Variants in ZCCHC3 observed in about 807,000 individuals in gnomAD.
The protein encoded by ZCCHC3 is zinc finger CCHC domain-containing protein 3.
Under a neutral mutation model 18.4 loss-of-function variants are expected in ZCCHC3, and 20 were observed. That is an observed-to-expected ratio of 1.09 (90% confidence interval 0.76 to 1.58). ZCCHC3 has a LOEUF of 1.58. Ranked by LOEUF, ZCCHC3 falls within the 40% of genes most tolerant of loss-of-function variation. The pLI, the probability that ZCCHC3 is intolerant of heterozygous loss-of-function variation, is 0.00. For missense variants in ZCCHC3, 548 were observed against 511.2 expected, an observed-to-expected ratio of 1.07 and a Z score of -0.69; for synonymous variants, 310 against 232.7, an observed-to-expected ratio of 1.33 and a Z score of -3.02.
In ZCCHC3 at chr20:297,969, C is replaced by G; in HGVS notation, c.383C>G (p.Ala128Gly). The G allele has an allele frequency of 7.7e-7, 1 of 1,303,506 alleles. No homozygotes were observed. Among genetic ancestry groups the G allele is most frequent in the Non-Finnish European group, 9.7e-7 (1 of 1,031,302 alleles). 80.7% of individuals were successfully genotyped at this position (1,303,506 alleles called of 1,614,324 possible). The part of the protein sequence containing the change: ...AEAGRRKKAE[A>G]AAAAMATPAR... ...GCGGGCAGGAGGAAGAAGGCCGAGGCGGCGGCGGCCGCCATGGCGACCCCG... is the reference window on the plus strand; with the variant it reads ...GCGGGCAGGAGGAAGAAGGCCGAGGGGGCGGCGGCCGCCATGGCGACCCCG... The change falls in exon 1 of 1, where the codon GCG (alanine) becomes GGG (glycine). Residue 128 changes from alanine (A) to glycine (G), a missense_variant. Physicochemically the swap from Ala to Gly is moderately conservative, Grantham distance 60. Transcript: ENST00000500893.
Sources: gnomAD v4.1 joint callset for allele counts on GRCh38, gnomAD v4.1.1 for gene constraint, MANE v1.5 for transcripts, NCBI Gene and HGNC (gene_info 2026-07-23, HGNC 2026-07-21) for gene names.